NDST3: variants seen among roughly 807,000 people sequenced by gnomAD.
NDST3 encodes the protein bifunctional heparan sulfate N-deacetylase/N-sulfotransferase 3.
Under a neutral mutation model 96.1 loss-of-function variants are expected in NDST3, and 58 were observed. The observed-to-expected ratio is 0.60, with a 90% CI of 0.49 to 0.75. The LOEUF is 0.75. NDST3 is among the 30% of genes least tolerant of loss of function. NDST3 has a pLI of 0.00. For synonymous variants in NDST3, 333 were observed against 359.7 expected (o/e 0.93, Z 0.84); for missense variants, 788 against 1,034.2 (o/e 0.76, Z 3.27).
At chr4:118,239,840 T>C (rs1418987065) in intron 10 of NDST3, among the ~76,000 whole-genome samples, 2 of 152,186 alleles carry the variant, frequency 1.3e-5, no homozygotes, top group Non-Finnish European at 2.9e-5. Flanking sequence ...TATTGGCCAA[T>C]TTAAAGAAAA....
intron 2 of NDST3, 194 bp downstream of exon 2, chr4:118,055,085 AT>A: frequency 1.4e-6 from 1 of 702,602 alleles, no homozygotes; most frequent in Non-Finnish European, 2.4e-6. Flanking sequence ...AAAAATAAAG[AT>A]TTTACTAAAA....
chr4:118,092,897 T>C (rs930522810), intron 2 of NDST3, among the ~76,000 whole-genome samples: 2 of 151,462 alleles, frequency 1.3e-5, no homozygotes, highest in African/African-American at 4.8e-5. Flanking sequence ...CCTCAGAAAA[T>C]AGAGAAGTGT....
chr4:118,213,393 T>C (rs557336911), intron 6 of NDST3, among the ~76,000 whole-genome samples: 1 of 152,290 alleles, frequency 6.6e-6, no homozygotes, highest in South Asian at 2.1e-4. Flanking sequence ...TGCAATTTCA[T>C]CCACTTCTAA....
At chr4:118,184,161 G>T (rs778618593) in intron 6 of NDST3, among the ~76,000 whole-genome samples, 1 of 152,158 alleles carries the variant, frequency 6.6e-6, no homozygotes, top group African/African-American at 2.4e-5. Flanking sequence ...ATTGCACATG[G>T]CACTGAAGAA....
intron 13 of NDST3, among the ~76,000 whole-genome samples, chr4:118,254,298 G>A (rs1003635541): frequency 6.6e-6 from 1 of 151,100 alleles, no homozygotes; most frequent in African/African-American, 2.4e-5. Flanking sequence ...TCATTCTGTT[G>A]TAGTAAGTGT....
At chr4:118,075,421 G>T (rs1209691388) in intron 2 of NDST3, among the ~76,000 whole-genome samples, 11 of 152,270 alleles carry the variant, frequency 7.2e-5, no homozygotes, top group Non-Finnish European at 1.5e-4. Flanking sequence ...CCAGTAATGG[G>T]ATGGCTGGGT....
chr4:118,213,792 T>G (rs1475053498), intron 6 of NDST3, among the ~76,000 whole-genome samples: 1 of 150,746 alleles, frequency 6.6e-6, no homozygotes, highest in African/African-American at 2.5e-5. Flanking sequence ...ATTCAGAATT[T>G]TTTTCTTTTT....
At chr4:118,127,589 C>A (rs1732219438) in intron 4 of NDST3, among the ~76,000 whole-genome samples, 1 of 151,988 alleles carries the variant, frequency 6.6e-6, no homozygotes. Context: ...GTTTTGGTTA[C>A]CATAACTCCT....
At chr4:118,070,771 A>G (rs1390826850) in intron 2 of NDST3, among the ~76,000 whole-genome samples, 2 of 151,518 alleles carry the variant, frequency 1.3e-5, no homozygotes, top group East Asian at 3.9e-4. Flanking sequence ...TACATTAGGT[A>G]TATCTCCTAA....
chr4:118,046,972 C>A (rs1163187494), intron 1 of NDST3, among the ~76,000 whole-genome samples: 1 of 152,176 alleles, frequency 6.6e-6, no homozygotes, highest in African/African-American at 2.4e-5. Context: ...GAGGGACTCC[C>A]CCAAGGTCCA....
chr4:118,200,417 T>A (rs1352175980), intron 6 of NDST3, among the ~76,000 whole-genome samples: 1 of 152,182 alleles, frequency 6.6e-6, no homozygotes. Context: ...TGTTGAATGC[T>A]GCCTGGCCTG....
chr4:118,137,688 G>C (rs1283356644), intron 4 of NDST3, among the ~76,000 whole-genome samples: 1 of 152,082 alleles, frequency 6.6e-6, no homozygotes, highest in Non-Finnish European at 1.5e-5. Flanking sequence ...TTTATTTTGC[G>C]GGAAGTGCTT....
At chr4:118,238,187 GAAAGAAAGAA>G (rs1458042454) in intron 10 of NDST3, among the ~76,000 whole-genome samples, 2 of 140,406 alleles carry the variant, frequency 1.4e-5, no homozygotes, top group Non-Finnish European at 3.1e-5. Flanking sequence ...AAGAAAGAAA[GAAAGAAAGAA>G]AGAAAGAAAG....
intron 3 of NDST3, among the ~76,000 whole-genome samples, chr4:118,113,498 G>T (rs1160046425): frequency 2.0e-5 from 3 of 152,132 alleles, no homozygotes; most frequent in Non-Finnish European, 4.4e-5. Context: ...ACATTTGAAT[G>T]ACCATGAAAT....
intron 6 of NDST3, among the ~76,000 whole-genome samples, chr4:118,196,819 C>T (rs1737723377): frequency 6.6e-6 from 1 of 150,504 alleles, no homozygotes; most frequent in Admixed American, 6.6e-5. Flanking sequence ...GTATTGTCTT[C>T]TTCATTTCAA....
At chr4:118,082,753 T>A (rs1010833093) in intron 2 of NDST3, among the ~76,000 whole-genome samples, 1 of 152,066 alleles carries the variant, frequency 6.6e-6, no homozygotes, top group African/African-American at 2.4e-5. Flanking sequence ...TGTTCTCGCA[T>A]TGCTATGAAG....
chr4:118,172,516 G>C (rs1736016155), intron 6 of NDST3, among the ~76,000 whole-genome samples: 1 of 152,126 alleles, frequency 6.6e-6, no homozygotes, highest in South Asian at 2.1e-4. Flanking sequence ...CATGAGGTAT[G>C]AGAGATATGT....
chr4:118,161,309 C>T (rs541973335), intron 6 of NDST3, among the ~76,000 whole-genome samples: 29 of 152,326 alleles, frequency 1.9e-4, no homozygotes, highest in African/African-American at 6.5e-4. Flanking sequence ...TTAGGCTGCT[C>T]GGGGGTCAGG....
intron 6 of NDST3, among the ~76,000 whole-genome samples, chr4:118,211,999 T>C (rs1738831981): frequency 6.6e-6 from 1 of 152,088 alleles, no homozygotes; most frequent in South Asian, 2.1e-4. Context: ...CCACAGCTTG[T>C]TTGGGACCAC....
Sources: gnomAD v4.1 joint callset for allele counts (sites outside exome capture counted in the v4.1 genomes callset) on GRCh38, gnomAD v4.1.1 for gene constraint, MANE v1.5 for transcripts, NCBI Gene and HGNC (gene_info 2026-07-23, HGNC 2026-07-21) for gene names.